Variants in CEP76 observed in about 807,000 individuals in gnomAD.
CEP76 encodes the protein centrosomal protein 76.
A neutral mutation model predicts 83.3 loss-of-function variants in CEP76; 55 were observed. That is an observed-to-expected ratio of 0.66 (90% CI 0.53 to 0.83). The LOEUF (loss-of-function observed/expected upper bound fraction) is 0.83, where lower values mean the gene tolerates loss of function less well. CEP76 is among the 40% of genes least tolerant of loss of function. CEP76 has a pLI of 0.00. For missense variants in CEP76, 694 were observed against 799.5 expected, an observed-to-expected ratio of 0.87 and a Z score of 1.59; for synonymous variants, 270 against 274.5, an observed-to-expected ratio of 0.98 and a Z score of 0.16.
In CEP76 at chr18:12,673,540, G is replaced by C. The variant is rs111451708; in HGVS notation, c.1842-37C>G. 3,939 of 1,467,524 alleles carry C rather than the reference G, an allele frequency of 2.7e-3. 107 individuals carry two copies. The African/African-American group carries it at 0.051, about 19-fold the overall frequency. 90.9% of individuals were successfully genotyped at this position (1,467,524 alleles called of 1,614,324 possible). On this transcript the variant is annotated intron_variant, in intron 11 of 11. Coordinates refer to ENST00000262127, the MANE Select transcript of CEP76 (RefSeq NM_024899.4). ...AAAAAAAATTATTCAATTAAGAAGT[G>C]ACCATACACTTTAATTCCTTATTTG...
intron 3 of CEP76, 87 bp downstream of exon 3, chr18:12,699,743 G>A: frequency 1.4e-6 from 1 of 728,244 alleles, no homozygotes; most frequent in Non-Finnish European, 2.1e-6. Context: ...GGGAAAAAAT[G>A]GAAATGTCTT....
At chr18:12,694,138 A>T (rs534012559) in intron 6 of CEP76, among the ~76,000 whole-genome samples, 65 of 152,298 alleles carry the variant, frequency 4.3e-4, no homozygotes, top group African/African-American at 1.5e-3. Context: ...GTTGGTTCTC[A>T]CTATGTGGTT....
At chr18:12,695,840 C>A (rs1234583035) in intron 5 of CEP76, among the ~76,000 whole-genome samples, 6 of 143,226 alleles carry the variant, frequency 4.2e-5, no homozygotes, top group Non-Finnish European at 9.0e-5. Context: ...CTGTTAACAC[C>A]TCATTCCTTC....
intron 4 of CEP76, among the ~76,000 whole-genome samples, chr18:12,698,279 A>C (rs1009837256): frequency 1.3e-5 from 2 of 151,878 alleles, no homozygotes; most frequent in Non-Finnish European, 2.9e-5. Flanking sequence ...CCCAGGCTGG[A>C]GTGCAATGGG....
chr18:12,681,208 A>C (rs1451749303), intron 8 of CEP76, among the ~76,000 whole-genome samples: 4 of 151,858 alleles, frequency 2.6e-5, no homozygotes, highest in Non-Finnish European at 2.9e-5. Context: ...CAAAAAAAAA[A>C]AAAAATGTTT....
Position 12,678,493 on chromosome 18 carries a change from A to G in CEP76, c.1290-51T>C. On this transcript the variant is annotated intron_variant, in intron 9 of 11. Coordinates refer to ENST00000262127, the MANE Select transcript of CEP76 (RefSeq NM_024899.4). ...ATGAGAACTTAAAAATTAAAAAGGC[A>G]GCATCTTACTGAGAAAATTATTCTA... 4 of 1,224,010 alleles carry G rather than the reference A, an allele frequency of 3.3e-6. No homozygotes were observed. The South Asian group carries it at 4.7e-5, about 14-fold the overall frequency. 75.8% of individuals were successfully genotyped at this position (1,224,010 alleles called of 1,614,324 possible). A position where few individuals can be genotyped will look rare whatever the true frequency, so the allele number is the denominator to read the frequency against.
chr18:12,668,463 T>C (rs374049677), downstream of CEP76, among the ~76,000 whole-genome samples: 1 of 151,462 alleles, frequency 6.6e-6, no homozygotes, highest in East Asian at 2.0e-4. Flanking sequence ...TAGCTGGGCA[T>C]AGTGGTGTGC....
chr18:12,686,183 G>A, intron 8 of CEP76, 79 bp downstream of exon 8: 3 of 1,175,054 alleles, frequency 2.6e-6, no homozygotes, highest in Non-Finnish European at 3.6e-6. Flanking sequence ...TTTTTCTAAG[G>A]CATTCTTTTA....
At position 12,702,689 on chromosome 18, in the gene CEP76, C is replaced by A; in HGVS notation, c.-141G>T. 2.2e-6 allele frequency: 2 copies of A among 919,052 alleles called. No individual in the cohort carries two copies. Among genetic ancestry groups the A allele is most frequent in the South Asian group, 1.8e-5 (1 of 55,612 alleles). 56.9% of individuals were successfully genotyped at this position (919,052 alleles called of 1,614,324 possible). ...CGCCTAGCGCAGCTCCCGGGGGACG[C>A]AACGCCGCGTCAGGCCGGGGGCTGA... On this transcript the variant is annotated 5_prime_UTR_variant, in exon 1 of 12. Transcript: ENST00000262127.
At chr18:12,688,885 C>T (rs527970941) in intron 7 of CEP76, among the ~76,000 whole-genome samples, 1 of 152,020 alleles carries the variant, frequency 6.6e-6, no homozygotes, top group African/African-American at 2.4e-5. Flanking sequence ...GAGGCCGAGG[C>T]GGGCGGGTCA....
intron 10 of CEP76, 95 bp downstream of exon 10, chr18:12,678,014 T>G: frequency 1.1e-6 from 1 of 920,096 alleles, no homozygotes; most frequent in South Asian, 1.6e-5. Context: ...TGTTCAGGGC[T>G]AGAATAGTGA....
At chr18:12,700,856 G>T in intron 2 of CEP76, 102 bp downstream of exon 2, 2 of 875,334 alleles carry the variant, frequency 2.3e-6, no homozygotes, top group Non-Finnish European at 3.5e-6. Flanking sequence ...CCTTGAAGTG[G>T]TTTTACTAAA....
intron 9 of CEP76, among the ~76,000 whole-genome samples, chr18:12,680,052 C>CA (rs560841557): frequency 0.14 from 12,409 of 87,160 alleles, 706 homozygotes; most frequent in Non-Finnish European, 0.19. Flanking sequence ...TGAGACACTG[C>CA]AAAAAAAAAA....
intron 12 of CEP76, among the ~76,000 whole-genome samples, chr18:12,662,702 A>G (rs1341683337): frequency 1.3e-5 from 2 of 152,242 alleles, no homozygotes; most frequent in Admixed American, 1.3e-4. Flanking sequence ...GCTTGAGCCC[A>G]GGAGGCAGAG....
chr18:12,686,393 G>A lies in CEP76; in HGVS notation c.991C>T (p.Arg331Trp), dbSNP rs181866298. Reference protein sequence around the residue: ...CSYVKPLRAGRLLDTPRQAAR... With the variant: ...CSYVKPLRAGWLLDTPRQAAR... ...GCTTGCCTTGGAGTATCAAGAAGCC[G>A]TCCAGCTCGAAGTGGTTTAACATAG... The change falls in exon 8 of 12, where the codon CGG becomes TGG. Residue 331 changes from arginine (R) to tryptophan (W), a missense_variant. Transcript: ENST00000262127. The A allele has an allele frequency of 3.0e-5, 48 of 1,613,814 alleles. No homozygotes were observed. The highest frequency in any genetic ancestry group is 2.1e-4 in the African/African-American group (16 of 74,862).
intron 8 of CEP76, among the ~76,000 whole-genome samples, chr18:12,683,311 C>T (rs190976700): frequency 2.7e-4 from 40 of 150,900 alleles, no homozygotes; most frequent in Non-Finnish European, 4.7e-4. Context: ...GAGATCGTGA[C>T]ACTGCACTCC....
intron 8 of CEP76, chr18:12,684,969 A>AT (rs1299988242): frequency 1.3e-5 from 2 of 151,900 alleles, no homozygotes; most frequent in Admixed American, 6.6e-5. Context: ...ATTTTTTTCT[A>AT]TTTTAATATT....
chr18:12,687,072 ACTGT>A (rs987896223), intron 7 of CEP76, among the ~76,000 whole-genome samples: 18 of 152,166 alleles, frequency 1.2e-4, no homozygotes, highest in African/African-American at 4.1e-4. Context: ...GTCTCTGATG[ACTGT>A]CTACCACTGT....
chr18:12,702,537 AG>A lies in CEP76; in HGVS notation c.11del (p.Pro4LeufsTer8). 2 of 1,606,834 alleles carry A rather than the reference AG, an allele frequency of 1.2e-6. No homozygotes were observed. The highest frequency in any genetic ancestry group is 1.7e-6 in the Non-Finnish European group (2 of 1,178,136). ...GCTTCAGCTCGGAGGCTTTCTCCGG[AG>A]GCAGCGACATGCTGGCAGCCGGCGT... The part of the protein sequence containing the change: MSL[P>X]PEKASELKQL... On this transcript the variant is annotated frameshift_variant, in exon 1 of 12. Transcript: ENST00000262127. LOFTEE classifies it high-confidence loss of function.
Sources: gnomAD v4.1 joint callset for allele counts (sites outside exome capture counted in the v4.1 genomes callset) on GRCh38, gnomAD v4.1.1 for gene constraint, MANE v1.5 for transcripts, NCBI Gene and HGNC (gene_info 2026-07-23, HGNC 2026-07-21) for gene names.